The following EP400 variants were observed in gnomAD, a reference collection of about 807,000 sequenced individuals.
The protein encoded by EP400 is E1A-binding protein p400.
EP400 carries 105 observed loss-of-function variants against 354.1 expected under a neutral mutation model. The observed-to-expected ratio is 0.30, with a 90% CI of 0.25 to 0.35. The LOEUF (loss-of-function observed/expected upper bound fraction) is 0.35. Ranked by LOEUF, EP400 falls within the 10% of genes least tolerant of loss-of-function variation. EP400 has a pLI of 1.00. For missense variants in EP400, 3,280 were observed against 4,121.0 expected (o/e 0.80, Z 5.59); for synonymous variants, 1,646 against 1,716.9 (o/e 0.96, Z 1.02).
At chr12:131,997,602 A>G (rs1566179374) in intron 12 of EP400, among the ~76,000 whole-genome samples, 1 of 152,216 alleles carries the variant, frequency 6.6e-6, no homozygotes. Context: ...GTATTCTTAC[A>G]ACAAAGTAAG....
chr12:132,036,358 A>G (rs913628185), intron 30 of EP400, among the ~76,000 whole-genome samples: 6 of 149,336 alleles, frequency 4.0e-5, no homozygotes, highest in African/African-American at 1.2e-4. Context: ...ACAGGTTCAC[A>G]TGGAACATCG....
chr12:132,049,001 A>G (rs946697369), intron 39 of EP400, among the ~76,000 whole-genome samples: 1 of 152,226 alleles, frequency 6.6e-6, no homozygotes, highest in South Asian at 2.1e-4. Context: ...TACATAGAGG[A>G]CATGCCTCTT....
At position 131,994,764 on chromosome 12, in the gene EP400, G is replaced by A. The variant is rs1893148753; in HGVS notation, c.2738-103G>A. On this transcript the variant is annotated intron_variant, in intron 11 of 52. Coordinates refer to ENST00000389561, the MANE Select transcript of EP400 (RefSeq NM_015409.5). The surrounding 1 kb of genome is among the most constrained non-coding windows in gnomAD (Gnocchi z 4.6). Reference sequence around the variant, plus strand: ...GTTTAAAAGCTCAGTTTCAATTTCTGTAATAGCTATGCAAAATAATTTCGA... The same window carrying A: ...GTTTAAAAGCTCAGTTTCAATTTCTATAATAGCTATGCAAAATAATTTCGA... 13 of 892,360 alleles carry A rather than the reference G, an allele frequency of 1.5e-5. No homozygotes were observed. In the South Asian group the frequency reaches 1.6e-4, roughly 11 times the overall value. 55.3% of individuals were successfully genotyped at this position (892,360 alleles called of 1,614,324 possible). A position where few individuals can be genotyped will look rare whatever the true frequency, so the allele number is the denominator to read the frequency against.
At chr12:131,973,241 C>G (rs1347506009) in intron 2 of EP400, among the ~76,000 whole-genome samples, 1 of 152,176 alleles carries the variant, frequency 6.6e-6, no homozygotes, top group African/African-American at 2.4e-5. Context: ...TAGAAAAACT[C>G]TTAGGAGTGA....
At chr12:132,051,945 GC>G (rs1469897325) in intron 41 of EP400, among the ~76,000 whole-genome samples, 5 of 152,228 alleles carry the variant, frequency 3.3e-5, no homozygotes, top group Non-Finnish European at 7.3e-5. Context: ...AGACCCAGGA[GC>G]CCTCTGGTGG....
chr12:131,965,032 T>C (rs144319746), intron 2 of EP400, among the ~76,000 whole-genome samples: 2 of 152,248 alleles, frequency 1.3e-5, no homozygotes, highest in Non-Finnish European at 2.9e-5. Flanking sequence ...AGACCAATTA[T>C]TTTGTACAGT....
At chr12:131,964,042 T>C (rs1405960527) in intron 2 of EP400, among the ~76,000 whole-genome samples, 1 of 152,208 alleles carries the variant, frequency 6.6e-6, no homozygotes, top group East Asian at 1.9e-4. Flanking sequence ...GTATTTTCCA[T>C]AGCTAGAGGA....
chr12:132,073,053 T>C (rs1015528734), intron 51 of EP400, among the ~76,000 whole-genome samples: 1 of 152,202 alleles, frequency 6.6e-6, no homozygotes, highest in Admixed American at 6.5e-5. Context: ...GGTCCGGTGC[T>C]GTTGTGAGGT....
At position 131,986,583 on chromosome 12, in the gene EP400, A is replaced by G. The variant is rs773262197; in HGVS notation, c.1999A>G (p.Thr667Ala). ...PCPRPLPTSS[T>A]SSLAPVSGSG... ...CCCACGGCCTCTGCCCACCTCTTCT[A>G]CCTCGTCCCTCGCGCCTGTGAGTGG... Residue 667 changes from threonine (T) to alanine (A), a missense_variant, in exon 6 of 53, where the codon ACC (threonine) becomes GCC (alanine). Thr to Ala is a moderately conservative substitution (Grantham distance 58, BLOSUM62 0). Transcript: ENST00000389561. 1.2e-6 allele frequency: 2 copies of G among 1,613,712 alleles called. No individual in the cohort carries two copies. The highest frequency in any genetic ancestry group is 8.5e-7 in the Non-Finnish European group (1 of 1,179,958).
chr12:132,012,556 G>GA, intron 16 of EP400, among the ~76,000 whole-genome samples: 3 of 152,324 alleles, frequency 2.0e-5, no homozygotes, highest in East Asian at 3.9e-4. Context: ...ATTTCAACAT[G>GA]AGTTTTGGAG....
At position 131,992,240 on chromosome 12, in the gene EP400, C is replaced by G. The variant is rs759566042; in HGVS notation, c.2737+10C>G. 67 of 1,607,920 alleles carry G rather than the reference C, an allele frequency of 4.2e-5. No homozygotes were observed. The highest frequency in any genetic ancestry group is 3.3e-5 in the Admixed American group (2 of 59,718). ...TTGACTGATGACGAAGGTCTGTTCC[C>G]CCTCAGCACTATCTTTGTCATCTCC... On this transcript the variant is annotated intron_variant, in intron 11 of 52. Transcript: ENST00000389561.
At chr12:132,059,786 C>T (rs965900999) in intron 45 of EP400, among the ~76,000 whole-genome samples, 2 of 151,796 alleles carry the variant, frequency 1.3e-5, no homozygotes, top group Admixed American at 1.3e-4. Flanking sequence ...GAGGCCAAGG[C>T]GGGCGGATCA....
rs369370296 is a variant in EP400, at chr12:132,045,388, C to T, written c.6854C>T (p.Ala2285Val). Residue 2285 changes from alanine (A) to valine (V), a missense_variant, in exon 38 of 53, where the codon GCA (alanine) becomes GTA (valine). Physicochemically the swap from Ala to Val is moderately conservative, Grantham distance 64. Around this residue, in one of 20 missense-constraint regions of EP400, gnomAD observed 231 missense variants for 257.9 expected, o/e 0.90. Transcript: ENST00000389561. ...VVPPRSLFDR[A>V]TPGLLKIRRE... ...CCTCCTCGGTCCCTGTTTGACCGCG[C>T]AACACCAGGACTTCTGAAAATTCGC... is the stretch of plus-strand genomic sequence containing the variant. 2.0e-5 allele frequency: 32 copies of T among 1,614,134 alleles called. No homozygotes were observed. Among genetic ancestry groups the T allele is most frequent in the Non-Finnish European group, 2.5e-5 (30 of 1,180,060 alleles).
rs1008649251 is a variant in EP400, at chr12:132,052,801, A to G, written c.7395-345A>G. Among the ~76,000 whole-genome samples the G allele has an allele frequency of 2.0e-4, 31 of 152,192 alleles. No homozygotes were observed. Among genetic ancestry groups the G allele is most frequent in the African/African-American group, 7.5e-4 (31 of 41,464 alleles). ...CCTCCCTGGAGAGGAACTCGAGGGC[A>G]TCCTCACAGAAGGAACAGACAGAGA... On this transcript the variant is annotated intron_variant, in intron 41 of 52. Coordinates refer to ENST00000389561, the MANE Select transcript of EP400 (RefSeq NM_015409.5). This position sits in a 1 kb window ranked among gnomAD's most constrained non-coding sequence, Gnocchi z 4.4.
chr12:131,969,683 G>C (rs1892224574), intron 2 of EP400, among the ~76,000 whole-genome samples: 1 of 152,122 alleles, frequency 6.6e-6, no homozygotes, highest in Non-Finnish European at 1.5e-5. Flanking sequence ...CAAAGAGCCT[G>C]GTTCCTTTCG....
At chr12:132,006,967 A>G (rs767979333) in intron 15 of EP400, 90 bp downstream of exon 15, 24 of 1,422,126 alleles carry the variant, frequency 1.7e-5, no homozygotes, top group African/African-American at 2.9e-5. Context: ...GGACTTGGCT[A>G]TCTTATCTAC....
chr12:132,004,566 TTTA>T (rs1893519764), intron 12 of EP400, among the ~76,000 whole-genome samples: 1 of 152,236 alleles, frequency 6.6e-6, no homozygotes, highest in Non-Finnish European at 1.5e-5. Context: ...TACATTTTTA[TTTA>T]TTAGTCTATA....
At position 131,999,891 on chromosome 12, in the gene EP400, C is replaced by G. The variant is rs151083146; in HGVS notation, c.2827+4935C>G. ...CTCCTTACAGTGTTTCCGATCTTGG[C>G]TGTGTTTGTATGTATGTCCCTTCTT... On this transcript the variant is annotated intron_variant, in intron 12 of 52. Coordinates refer to ENST00000389561, the MANE Select transcript of EP400 (RefSeq NM_015409.5). 5.6e-3 allele frequency among the ~76,000 whole-genome samples: 854 copies of G among 151,474 alleles called. 7 individuals are homozygous for G. Among genetic ancestry groups the G allele is most frequent in the African/African-American group, 0.02 (812 of 41,308 alleles).
chr12:132,014,048 C>G, intron 19 of EP400, 135 bp downstream of exon 19: 1 of 1,198,440 alleles, frequency 8.3e-7, no homozygotes. Flanking sequence ...AGGCACCCTC[C>G]TGGGGGCAGC....
Sources: gnomAD v4.1 joint callset for allele counts (sites outside exome capture counted in the v4.1 genomes callset) on GRCh38, gnomAD v4.1.1 for gene constraint, gnomAD v4.1.1 regional missense constraint, Gnocchi (gnomAD v3.1) non-coding constraint, MANE v1.5 for transcripts, NCBI Gene and HGNC (gene_info 2026-07-23, HGNC 2026-07-21) for gene names.